The following OLR1 variants were observed in gnomAD, a reference collection of about 807,000 sequenced individuals.
The protein encoded by OLR1 is oxidized low density lipoprotein receptor 1.
OLR1 carries 23 observed loss-of-function variants against 31.7 expected under a neutral mutation model. The observed-to-expected ratio is 0.72, with a 90% CI of 0.52 to 1.03. The LOEUF (loss-of-function observed/expected upper bound fraction) is 1.03, where lower values mean the gene tolerates loss of function less well. OLR1 is among the 50% of genes least tolerant of loss of function. The probability of loss-of-function intolerance (pLI) is 0.00; values close to 1 mark genes in which losing one functional copy is unlikely to be tolerated. For missense variants in OLR1, 286 were observed against 315.7 expected, an observed-to-expected ratio of 0.91 and a Z score of 0.71; for synonymous variants, 117 against 115.8, an observed-to-expected ratio of 1.01 and a Z score of -0.07.
At chr12:10,175,746 T>G (rs1431636889), upstream of OLR1, among the ~76,000 whole-genome samples, 1 of 152,230 alleles carries the variant, frequency 6.6e-6, no homozygotes, top group Non-Finnish European at 1.5e-5. Context: ...TCTGCTATAT[T>G]ATTTATTTTT....
chr12:10,162,027 A>G (rs1447919007), intron 3 of OLR1, among the ~76,000 whole-genome samples: 1 of 151,872 alleles, frequency 6.6e-6, no homozygotes. Context: ...TCTCAATTTA[A>G]ACGAGATTTT....
At chr12:10,161,951 C>T (rs968881213) in intron 3 of OLR1, among the ~76,000 whole-genome samples, 3 of 129,344 alleles carry the variant, frequency 2.3e-5, no homozygotes, top group South Asian at 2.5e-4. Flanking sequence ...ATATAAAAAA[C>T]ACATACTATA....
rs866169438 is a variant in OLR1, at chr12:10,169,317, C to G, written c.77-142G>C. ...CATAAATAGTTTGCATTCCATACCA[C>G]TAGTCCTCCAAATGGCTCTGCAAAT... On this transcript the variant is annotated intron_variant, in intron 1 of 5. Coordinates refer to ENST00000309539, the MANE Select transcript of OLR1 (RefSeq NM_002543.4). 6.9e-5 allele frequency: 34 copies of G among 495,884 alleles called. No homozygotes were observed. In the Middle Eastern group the frequency reaches 4.2e-3, roughly 62 times the overall value. 30.7% of individuals were successfully genotyped at this position (495,884 alleles called of 1,614,324 possible). A position where few individuals can be genotyped will look rare whatever the true frequency, so the allele number is the denominator to read the frequency against.
intron 1 of OLR1, among the ~76,000 whole-genome samples, chr12:10,169,663 A>G (rs1381016911): frequency 6.6e-6 from 1 of 152,190 alleles, no homozygotes; most frequent in Admixed American, 6.5e-5. Flanking sequence ...TCAGTTAATC[A>G]ACTGAGATTA....
Position 10,169,131 on chromosome 12 carries a change from T to A in OLR1, c.121A>T (p.Thr41Ser). 1 of 1,612,760 alleles carries A rather than the reference T, an allele frequency of 6.2e-7. No homozygotes were observed. Among genetic ancestry groups the A allele is most frequent in the South Asian group, 1.1e-5 (1 of 91,002 alleles). Reference protein sequence around the residue: ...YSPWWCLAAATLGVLCLGLVV... With the variant: ...YSPWWCLAAASLGVLCLGLVV... ...AATCCCAGGCAAAGGACCCCTAGAG[T>A]CGCAGCAGCCAGGCACCACCATGGA... Residue 41 changes from threonine to serine, a missense_variant, in exon 2 of 6, where the codon ACT (threonine) becomes TCT (serine). Thr to Ser is a moderately conservative substitution (Grantham distance 58). Transcript: ENST00000309539.
At chr12:10,173,791 A>C (rs1948744725), upstream of OLR1, among the ~76,000 whole-genome samples, 1 of 152,038 alleles carries the variant, frequency 6.6e-6, no homozygotes, top group African/African-American at 2.4e-5. Context: ...AGAATTAAAA[A>C]ATACTGAAAC....
At chr12:10,168,547 G>A (rs1338047144) in intron 2 of OLR1, among the ~76,000 whole-genome samples, 3 of 152,162 alleles carry the variant, frequency 2.0e-5, no homozygotes, top group Non-Finnish European at 2.9e-5. Context: ...AGGCTGGAGT[G>A]CAATGGTGCA....
intron 1 of OLR1, among the ~76,000 whole-genome samples, chr12:10,169,698 T>G (rs1168312517): frequency 6.6e-6 from 1 of 152,216 alleles, no homozygotes; most frequent in Non-Finnish European, 1.5e-5. Flanking sequence ...ATGAATAATT[T>G]TATGCTATTC....
intron 5 of OLR1, 70 bp from the exon 6 acceptor site, chr12:10,160,091 T>G: frequency 6.6e-7 from 1 of 1,524,822 alleles, no homozygotes. Context: ...TTTCAGAAAC[T>G]TAGCTTTTGA....
At position 10,159,857 on chromosome 12, in the gene OLR1, C is replaced by T; in HGVS notation, c.*23G>A. 1 of 1,573,154 alleles carries T rather than the reference C, an allele frequency of 6.4e-7. No homozygotes were observed. Among genetic ancestry groups the T allele is most frequent in the South Asian group, 1.1e-5 (1 of 87,958 alleles). ...CAGAATAAAACTCAAAGACTTTTTTCTTTTCTTCCAGAGCCTTCAAATTCA... is the reference window on the plus strand; with the variant it reads ...CAGAATAAAACTCAAAGACTTTTTTTTTTTCTTCCAGAGCCTTCAAATTCA... On this transcript the variant is annotated 3_prime_UTR_variant, in exon 6 of 6. Transcript: ENST00000309539.
intron 1 of OLR1, among the ~76,000 whole-genome samples, chr12:10,171,638 A>G (rs1470177204): frequency 6.6e-6 from 1 of 152,152 alleles, no homozygotes; most frequent in Admixed American, 6.5e-5. Flanking sequence ...TAGCTCTACC[A>G]CTTATTAGCT....
At chr12:10,169,899 A>C (rs1948696096) in intron 1 of OLR1, among the ~76,000 whole-genome samples, 1 of 149,136 alleles carries the variant, frequency 6.7e-6, no homozygotes, top group African/African-American at 2.5e-5. Context: ...AGGTGTATGA[A>C]TATACAATTA....
chr12:10,169,239 T>C, intron 1 of OLR1, 64 bp from the exon 2 acceptor site: 2 of 1,162,762 alleles, frequency 1.7e-6, no homozygotes, highest in South Asian at 1.4e-5. Flanking sequence ...AAACCATTCC[T>C]TGGAGCCTGT....
intron 2 of OLR1, among the ~76,000 whole-genome samples, chr12:10,167,847 T>G (rs1948675826): frequency 6.6e-6 from 1 of 151,980 alleles, no homozygotes; most frequent in Non-Finnish European, 1.5e-5. Context: ...AAGCAGGCGA[T>G]AACATGTTAA....
At chr12:10,160,234 TTC>T in intron 5 of OLR1, 111 bp downstream of exon 5, 2 of 962,246 alleles carry the variant, frequency 2.1e-6, no homozygotes, top group Non-Finnish European at 3.1e-6. Context: ...TCCCCCAAGC[TTC>T]TCTCTGGCAA....
intron 1 of OLR1, chr12:10,170,410 C>T (rs34928694): frequency 0.013 from 1,922 of 151,412 alleles, 28 homozygotes; most frequent in Non-Finnish European, 0.019. Context: ...GCCTCAGGGG[C>T]AAATACCTCT....
At chr12:10,171,391 G>C (rs1948715334) in intron 1 of OLR1, among the ~76,000 whole-genome samples, 1 of 152,166 alleles carries the variant, frequency 6.6e-6, no homozygotes, top group Non-Finnish European at 1.5e-5. Flanking sequence ...TTTAATTACT[G>C]TATGGGTCAA....
rs764168288 is a variant in OLR1, at chr12:10,166,903, T to C, written c.233A>G (p.Lys78Arg). The C allele has an allele frequency of 6.2e-6, 10 of 1,613,810 alleles. No individual in the cohort carries two copies. The South Asian group carries it at 1.1e-4, about 18-fold the overall frequency. ...TQEQANLTHQ[K>R]KKLEGQISAR... ...TGAGATCTGTCCCTCCAGTTTCTTTTTCTGGTGAGTTAGGTTTGCTTGCTC... is the reference window on the plus strand; with the variant it reads ...TGAGATCTGTCCCTCCAGTTTCTTTCTCTGGTGAGTTAGGTTTGCTTGCTC... Residue 78 changes from lysine (K) to arginine (R), a missense_variant, in exon 3 of 6, where the codon AAA (lysine) becomes AGA (arginine). Coordinates refer to ENST00000309539, the MANE Select transcript of OLR1 (RefSeq NM_002543.4).
At chr12:10,165,998 G>A (rs931884646) in intron 3 of OLR1, among the ~76,000 whole-genome samples, 1 of 151,736 alleles carries the variant, frequency 6.6e-6, no homozygotes. Context: ...ATGACTTGAG[G>A]TGAGGAGTTT....
Sources: gnomAD v4.1 joint callset for allele counts (sites outside exome capture counted in the v4.1 genomes callset) on GRCh38, gnomAD v4.1.1 for gene constraint, MANE v1.5 for transcripts, NCBI Gene and HGNC (gene_info 2026-07-23, HGNC 2026-07-21) for gene names.